ADGRB3: variants seen among roughly 807,000 people sequenced by gnomAD.
ADGRB3 encodes brain-specific angiogenesis inhibitor 3.
ADGRB3 carries 37 observed loss-of-function variants against 193.4 expected under a neutral mutation model. That is an observed-to-expected ratio of 0.19 (90% confidence interval 0.15 to 0.25). ADGRB3 has a LOEUF of 0.25. Among genes scored for constraint, ADGRB3 ranks in the 10% least tolerant of loss-of-function variants. The pLI is 1.00. For missense variants in ADGRB3, 1,637 were observed against 1,852.9 expected (o/e 0.88, Z 2.14); for synonymous variants, 690 against 644.2 (o/e 1.07, Z -1.08).
At chr6:68,991,617 A>G (rs1245644710) in intron 10 of ADGRB3, among the ~76,000 whole-genome samples, 1 of 151,772 alleles carries the variant, frequency 6.6e-6, no homozygotes, top group African/African-American at 2.4e-5. Flanking sequence ...GCATTTTCCT[A>G]ATGTTATTGA....
intron 17 of ADGRB3, among the ~76,000 whole-genome samples, chr6:69,229,044 C>T (rs1368456894): frequency 6.6e-6 from 1 of 152,062 alleles, no homozygotes; most frequent in Non-Finnish European, 1.5e-5. Context: ...TTTTAATGTA[C>T]ATTCAGTGTT....
chr6:68,940,665 G>A (rs1767616803), intron 5 of ADGRB3, among the ~76,000 whole-genome samples: 1 of 148,072 alleles, frequency 6.8e-6, no homozygotes, highest in African/African-American at 2.5e-5. Flanking sequence ...TTTGGGAGGC[G>A]GAGGCAGGAG....
At chr6:69,011,238 T>C (rs1769928022) in intron 11 of ADGRB3, among the ~76,000 whole-genome samples, 1 of 151,502 alleles carries the variant, frequency 6.6e-6, no homozygotes, top group South Asian at 2.1e-4. Flanking sequence ...CTAAATCTTT[T>C]TAGGAAAGCT....
intron 3 of ADGRB3, among the ~76,000 whole-genome samples, chr6:68,712,683 A>T (rs1765425641): frequency 6.6e-6 from 1 of 151,862 alleles, no homozygotes; most frequent in South Asian, 2.1e-4. Context: ...GTAAATTATG[A>T]TCATGGATGT....
intron 30 of ADGRB3, among the ~76,000 whole-genome samples, chr6:69,382,426 T>TA (rs1291140074): frequency 2.0e-5 from 3 of 151,958 alleles, no homozygotes; most frequent in African/African-American, 4.8e-5. Flanking sequence ...AAATAAAGCA[T>TA]AAAAAAGTAA....
At chr6:68,728,432 G>T (rs898745156) in intron 3 of ADGRB3, among the ~76,000 whole-genome samples, 19 of 150,752 alleles carry the variant, frequency 1.3e-4, no homozygotes, top group African/African-American at 4.6e-4. Flanking sequence ...TTGAAATAGC[G>T]AAGGAATCTC....
At chr6:69,231,222 G>GTA (rs1293926664) in intron 17 of ADGRB3, among the ~76,000 whole-genome samples, 6 of 152,190 alleles carry the variant, frequency 3.9e-5, no homozygotes, top group Admixed American at 3.9e-4. Flanking sequence ...GACTTCATAT[G>GTA]TAACAGTCAA....
intron 20 of ADGRB3, among the ~76,000 whole-genome samples, chr6:69,256,388 G>T (rs923047633): frequency 1.3e-4 from 20 of 152,128 alleles, no homozygotes; most frequent in Non-Finnish European, 2.4e-4. Context: ...TTGAGCAGTG[G>T]TTTGTAGTTC....
At chr6:69,229,645 A>G (rs1489681014) in intron 17 of ADGRB3, among the ~76,000 whole-genome samples, 1 of 152,206 alleles carries the variant, frequency 6.6e-6, no homozygotes, top group Non-Finnish European at 1.5e-5. Flanking sequence ...GATCAAAAGT[A>G]TGATTTCTTG....
intron 3 of ADGRB3, among the ~76,000 whole-genome samples, chr6:68,917,565 A>G (rs1766918188): frequency 1.3e-5 from 2 of 152,148 alleles, no homozygotes; most frequent in South Asian, 2.1e-4. Flanking sequence ...TATGTAGCTT[A>G]GGGTACTAAT....
intron 3 of ADGRB3, among the ~76,000 whole-genome samples, chr6:68,716,527 T>G (rs1396084679): frequency 1.3e-5 from 2 of 151,544 alleles, no homozygotes; most frequent in Non-Finnish European, 3.0e-5. Context: ...TTTTTTTTTT[T>G]TCCTAGAGTT....
intron 17 of ADGRB3, among the ~76,000 whole-genome samples, chr6:69,098,344 A>T (rs1359521789): frequency 6.6e-6 from 1 of 152,210 alleles, no homozygotes; most frequent in Non-Finnish European, 1.5e-5. Context: ...GTGAAGCCAC[A>T]CTATGAGCTA....
intron 17 of ADGRB3, among the ~76,000 whole-genome samples, chr6:69,113,374 A>T (rs963116666): frequency 2.0e-5 from 3 of 152,042 alleles, no homozygotes; most frequent in African/African-American, 7.2e-5. Flanking sequence ...ATATATGTAT[A>T]TGTATGTATA....
chr6:68,721,627 A>T (rs866776535), intron 3 of ADGRB3, among the ~76,000 whole-genome samples: 3 of 140,254 alleles, frequency 2.1e-5, no homozygotes, highest in African/African-American at 2.6e-5. Context: ...AAGTATAATA[A>T]ATATATATAT....
At chr6:68,974,973 G>T (rs1017436291) in intron 9 of ADGRB3, 109 bp downstream of exon 9, 46 of 917,418 alleles carry the variant, frequency 5.0e-5, no homozygotes, top group Non-Finnish European at 7.3e-5. Flanking sequence ...AAATAAGTCT[G>T]TCCAATAAGC....
intron 3 of ADGRB3, among the ~76,000 whole-genome samples, chr6:68,771,747 G>A (rs568620927): frequency 2.0e-5 from 3 of 152,212 alleles, no homozygotes; most frequent in South Asian, 4.1e-4. Context: ...AGAATGACAT[G>A]TCCTGGGGGT....
At chr6:68,856,598 G>A (rs1346403703) in intron 3 of ADGRB3, among the ~76,000 whole-genome samples, 3 of 152,202 alleles carry the variant, frequency 2.0e-5, no homozygotes, top group Non-Finnish European at 4.4e-5. Context: ...ATACCTGGCA[G>A]AAGAAATTTC....
intron 20 of ADGRB3, among the ~76,000 whole-genome samples, chr6:69,269,710 CGTGAACCAAGAA>C (rs957726167): frequency 6.6e-5 from 10 of 152,022 alleles, no homozygotes; most frequent in African/African-American, 2.2e-4. Flanking sequence ...ACGACTAAAA[CGTGAACCAAGAA>C]GTGAAATTTA....
Position 68,975,216 on chromosome 6 carries a change from G to A in ADGRB3, c.1628-18G>A, listed in dbSNP as rs1335782446. 2 of 1,603,500 alleles carry A rather than the reference G, an allele frequency of 1.2e-6. No individual in the cohort carries two copies. Among genetic ancestry groups the A allele is most frequent in the African/African-American group, 2.7e-5 (2 of 74,634 alleles). ...CATCCCTATTATAAAGCTTCTCTCTGTTCTTTGTGACACACAGGCACCACT... is the reference window on the plus strand; with the variant it reads ...CATCCCTATTATAAAGCTTCTCTCTATTCTTTGTGACACACAGGCACCACT... On this transcript the variant is annotated intron_variant, in intron 9 of 31. Coordinates refer to ENST00000370598, the MANE Select transcript of ADGRB3 (RefSeq NM_001704.3).
Sources: gnomAD v4.1 joint callset for allele counts (sites outside exome capture counted in the v4.1 genomes callset) on GRCh38, gnomAD v4.1.1 for gene constraint, MANE v1.5 for transcripts, NCBI Gene and HGNC (gene_info 2026-07-23, HGNC 2026-07-21) for gene names.